The following NFKBIB variants were observed in gnomAD, a reference collection of about 807,000 sequenced individuals.
NFKBIB encodes NF-kappa-B inhibitor beta.
A neutral mutation model predicts 32.1 loss-of-function variants in NFKBIB; 16 were observed. The ratio of observed to expected loss-of-function variants is 0.50; its 90% CI spans 0.34 to 0.76. The LOEUF (loss-of-function observed/expected upper bound fraction) is 0.76, where lower values mean the gene tolerates loss of function less well. Ranked by LOEUF, NFKBIB falls within the 30% of genes least tolerant of loss-of-function variation. The pLI, the probability that NFKBIB is intolerant of heterozygous loss-of-function variation, is 0.01. For synonymous variants in NFKBIB, 222 were observed against 219.5 expected (o/e 1.01, Z -0.10); for missense variants, 437 against 514.9 (o/e 0.85, Z 1.46).
intron 5 of NFKBIB, chr19:38,908,089 A>T (rs192589819): frequency 1.1e-5 from 11 of 1,035,484 alleles, no homozygotes; most frequent in Non-Finnish European, 1.3e-5. Flanking sequence ...CAGAGAACCC[A>T]GCAATACAGA....
At chr19:38,906,756 A>T (rs559626700) in intron 3 of NFKBIB, among the ~76,000 whole-genome samples, 1 of 152,266 alleles carries the variant, frequency 6.6e-6, no homozygotes, top group East Asian at 1.9e-4. Flanking sequence ...GGCGTGAGCC[A>T]CTGTGCCTGG....
chr19:38,908,885 G>A lies in NFKBIB; in HGVS notation c.*53G>A. 1.2e-6 allele frequency: 2 copies of A among 1,605,880 alleles called. No homozygotes were observed. Among genetic ancestry groups the A allele is most frequent in the Non-Finnish European group, 1.7e-6 (2 of 1,177,206 alleles). On this transcript the variant is annotated 3_prime_UTR_variant, in exon 6 of 6. Transcript: ENST00000313582. ...GTTTAATAAACAAAACCCTAGTTCT[G>A]ACAACCAGAGACCAGACTGATCTTG...
Position 38,907,626 on chromosome 19 carries a change from C to T in NFKBIB, c.936C>T (p.Ser312=), listed in dbSNP as rs780508380. 4.3e-6 allele frequency: 7 copies of T among 1,610,232 alleles called. No individual in the cohort carries two copies. The African/African-American group carries it at 5.3e-5, about 12-fold the overall frequency. Residue 312 remains serine, a synonymous_variant, in exon 5 of 6, where the codon AGC becomes AGT. Transcript: ENST00000313582. The stretch of plus-strand genomic sequence containing the variant: ...AGGACGAGAAATCCGGCCCCTGCAG[C>T]AGCAGTAGCGACAGCGACAGCGGAG... ...EGEDEKSGPC[S]SSSDSDSGDE...
intron 1 of NFKBIB, among the ~76,000 whole-genome samples, chr19:38,904,254 A>G (rs1974048032): frequency 6.6e-6 from 1 of 152,072 alleles, no homozygotes. Flanking sequence ...TATTGAGGCA[A>G]GACCTTCCTG....
Position 38,900,006 on chromosome 19 carries a change from CG to C in NFKBIB, c.-21del, listed in dbSNP as rs1238350173. 13 of 1,443,968 alleles carry C rather than the reference CG, an allele frequency of 9.0e-6. No individual in the cohort carries two copies. The highest frequency in any genetic ancestry group is 1.1e-5 in the Non-Finnish European group (12 of 1,101,716). 89.4% of individuals were successfully genotyped at this position (1,443,968 alleles called of 1,614,324 possible). ...AAGCCCAGCTACAGGCGGGCGACTG[CG>C]GGGGGCCCCTGAGGCGGCGGGGGCC... is the stretch of plus-strand genomic sequence containing the variant. On this transcript the variant is annotated 5_prime_UTR_variant, in exon 1 of 6. Transcript: ENST00000313582.
chr19:38,905,323 G>A lies in NFKBIB; in HGVS notation c.407G>A (p.Arg136His), dbSNP rs143781834. 13 of 1,609,878 alleles carry A rather than the reference G, an allele frequency of 8.1e-6. No individual in the cohort carries two copies. In the South Asian group the frequency reaches 9.9e-5, roughly 12 times the overall value. The change falls in exon 3 of 6, where the codon CGT becomes CAT. Residue 136 changes from arginine to histidine, a missense_variant. Arg to His is a conservative substitution (Grantham distance 29, BLOSUM62 0). Coordinates refer to ENST00000313582, the MANE Select transcript of NFKBIB (RefSeq NM_002503.5). The surrounding 1 kb of genome is among the most constrained non-coding windows in gnomAD (Gnocchi z 5.5). ...RGHTALHLAC[R>H]VGAHACARAL... ...CACACGGCGCTGCACCTGGCCTGCC[G>A]TGTGGGGGCACACGCCTGTGCCCGT...
In NFKBIB at chr19:38,905,441, C is replaced by T. The variant is rs745461925; in HGVS notation, c.525C>T (p.Thr175=). 1 of 1,614,042 alleles carries T rather than the reference C, an allele frequency of 6.2e-7. No individual in the cohort carries two copies. Among genetic ancestry groups the T allele is most frequent in the South Asian group, 1.1e-5 (1 of 91,082 alleles). ...GPDRTPDTNH[T]PVALYPDSDL... Reference sequence around the variant, plus strand: ...ACCGTACTCCCGACACCAACCATACCCCTGTCGCCTTGTACCCCGATTCCG... The same window carrying T: ...ACCGTACTCCCGACACCAACCATACTCCTGTCGCCTTGTACCCCGATTCCG... Residue 175 remains threonine (T), a synonymous_variant, in exon 3 of 6, where the codon ACC becomes ACT. Transcript: ENST00000313582. This position sits in a 1 kb window ranked among gnomAD's most constrained non-coding sequence, Gnocchi z 5.5.
chr19:38,902,010 G>C (rs1973980022), intron 1 of NFKBIB, among the ~76,000 whole-genome samples: 1 of 147,408 alleles, frequency 6.8e-6, no homozygotes, highest in Admixed American at 6.8e-5. Flanking sequence ...CCTCCTTTTT[G>C]CCTTTTATTG....
Position 38,908,725 on chromosome 19 carries a change from C to T in NFKBIB, c.970-6C>T. 6.2e-7 allele frequency: 1 copy of T among 1,611,034 alleles called. No individual in the cohort carries two copies. Among genetic ancestry groups the T allele is most frequent in the Non-Finnish European group, 8.5e-7 (1 of 1,178,666 alleles). On this transcript the variant is annotated splice_polypyrimidine_tract_variant and splice_region_variant and intron_variant, in intron 5 of 5. Transcript: ENST00000313582. ...AGCCCCTCTGCCTGGTCCCCTTTGC[C>T]CCCAGGATGAATACGACGACATTGT...
At position 38,905,336 on chromosome 19, in the gene NFKBIB, C is replaced by G. The variant is rs373087158; in HGVS notation, c.420C>G (p.His140Gln). ...ALHLACRVGAHACARALLQPR... is the reference protein window; with the variant it reads ...ALHLACRVGAQACARALLQPR... The stretch of plus-strand genomic sequence containing the variant: ...ACCTGGCCTGCCGTGTGGGGGCACA[C>G]GCCTGTGCCCGTGCCCTGCTTCAGC... The change falls in exon 3 of 6, where the codon CAC becomes CAG. Residue 140 changes from histidine to glutamine, a missense_variant. His to Gln is a conservative substitution (Grantham distance 24, BLOSUM62 0). Transcript: ENST00000313582. This position sits in a 1 kb window ranked among gnomAD's most constrained non-coding sequence, Gnocchi z 5.5. The G allele has an allele frequency of 3.7e-6, 6 of 1,610,296 alleles. No individual in the cohort carries two copies. In the East Asian group the frequency reaches 1.3e-4, roughly 36 times the overall value.
chr19:38,906,838 A>G (rs1974140586), intron 3 of NFKBIB, among the ~76,000 whole-genome samples: 1 of 151,384 alleles, frequency 6.6e-6, no homozygotes, highest in Non-Finnish European at 1.5e-5. Context: ...CCTGAGCTCA[A>G]GTGATCCTCT....
intron 5 of NFKBIB, chr19:38,907,953 TG>T: frequency 8.1e-7 from 1 of 1,235,416 alleles, no homozygotes; most frequent in Non-Finnish European, 1.0e-6. Context: ...GTGGTAGCGC[TG>T]GGGGTGATTT....
intron 1 of NFKBIB, 152 bp downstream of exon 1, chr19:38,900,363 T>A: frequency 2.5e-6 from 2 of 785,496 alleles, no homozygotes; most frequent in Non-Finnish European, 3.8e-6. Flanking sequence ...TCCTAACTTT[T>A]AACAAAACCA....
At chr19:38,906,504 C>G (rs1051201642) in intron 3 of NFKBIB, among the ~76,000 whole-genome samples, 23 of 118,484 alleles carry the variant, frequency 1.9e-4, no homozygotes, top group African/African-American at 6.0e-4. Context: ...GAGTCTCACT[C>G]TGTTGCCCAG....
intron 1 of NFKBIB, among the ~76,000 whole-genome samples, chr19:38,904,697 G>A (rs1974061393): frequency 6.6e-6 from 1 of 152,112 alleles, no homozygotes; most frequent in Non-Finnish European, 1.5e-5. Context: ...TTCATTGCAC[G>A]ATGTCCAGTG....
intron 1 of NFKBIB, among the ~76,000 whole-genome samples, chr19:38,903,528 T>G (rs1974028714): frequency 1.3e-5 from 2 of 152,050 alleles, no homozygotes; most frequent in Non-Finnish European, 2.9e-5. Context: ...CCTCAAGTGA[T>G]CTGCCCGCCT....
chr19:38,900,817 G>A (rs971574863), intron 1 of NFKBIB, among the ~76,000 whole-genome samples: 10 of 152,330 alleles, frequency 6.6e-5, no homozygotes, highest in African/African-American at 2.4e-4. Flanking sequence ...TTAGGTGCTA[G>A]TGATAAAGGC....
intron 5 of NFKBIB, chr19:38,907,987 T>G (rs1974197443): frequency 8.5e-7 from 1 of 1,179,090 alleles, no homozygotes; most frequent in Non-Finnish European, 1.1e-6. Context: ...ATTGGAGAAC[T>G]CACACTGCGA....
intron 1 of NFKBIB, among the ~76,000 whole-genome samples, chr19:38,901,449 C>T (rs1973959074): frequency 1.3e-5 from 2 of 151,650 alleles, no homozygotes. Context: ...CACATGCCAC[C>T]ATGCCTGGCA....
Sources: allele counts gnomAD v4.1 joint callset (sites outside exome capture counted in the v4.1 genomes callset), GRCh38; gene constraint gnomAD v4.1.1; non-coding constraint Gnocchi (gnomAD v3.1); transcripts MANE v1.5; gene names NCBI Gene and HGNC (gene_info 2026-07-23, HGNC 2026-07-21).